Variants in TASOR2 observed in about 807,000 individuals in gnomAD.
TASOR2 encodes the protein transcription activation suppressor family member 2.
TASOR2 carries 84 observed loss-of-function variants against 199.5 expected under a neutral mutation model. That is an observed-to-expected ratio of 0.42 (90% CI 0.35 to 0.50). TASOR2 has a LOEUF of 0.50. TASOR2 is among the 20% of genes least tolerant of loss of function. The pLI, the probability that TASOR2 is intolerant of heterozygous loss-of-function variation, is 0.02. For synonymous variants in TASOR2, 1,103 were observed against 1,046.6 expected (o/e 1.05, Z -1.04); for missense variants, 2,796 against 2,835.9 (o/e 0.99, Z 0.32).
chr10:5,727,133 C>T lies in TASOR2; in HGVS notation c.487+10C>T, dbSNP rs772876699. On this transcript the variant is annotated intron_variant, in intron 10 of 20. Coordinates refer to ENST00000328090, the Ensembl canonical transcript of TASOR2. ...TCACCCCTGTCAACAGGTGAGGATA[C>T]AATGGTTTCCAGCTCACTCTGTCTG... is the stretch of plus-strand genomic sequence containing the variant. 1 of 1,613,890 alleles carries T rather than the reference C, an allele frequency of 6.2e-7. No individual in the cohort carries two copies. The highest frequency in any genetic ancestry group is 1.7e-5 in the Admixed American group (1 of 60,012).
chr10:5,692,558 G>A (rs1836568941), intron 1 of TASOR2, among the ~76,000 whole-genome samples: 1 of 152,114 alleles, frequency 6.6e-6, no homozygotes, highest in South Asian at 2.1e-4. Context: ...GGGGTCCTGC[G>A]GGTTCTGTAG....
intron 2 of TASOR2, 72 bp from the exon 3 acceptor site, chr10:5,714,063 A>C (rs573711358): frequency 1.6e-5 from 14 of 850,472 alleles, no homozygotes; most frequent in Non-Finnish European, 2.2e-5. Context: ...AAAATTAAAA[A>C]AAAAAACCTT....
chr10:5,720,485 C>G lies in TASOR2; in HGVS notation c.-99-59C>G. ...CAGGGCTCGGTGGGGTTGAGAAAAA[C>G]TTGGTACATATGCAGTTCCATAGTG... On this transcript the variant is annotated intron_variant, in intron 3 of 20. Coordinates refer to ENST00000328090, the Ensembl canonical transcript of TASOR2. The surrounding 1 kb of genome is among the most constrained non-coding windows in gnomAD (Gnocchi z 5.3). The G allele has an allele frequency of 8.3e-6, 12 of 1,444,136 alleles. No individual in the cohort carries two copies. In the South Asian group the frequency reaches 1.8e-4, roughly 22 times the overall value. 89.5% of individuals were successfully genotyped at this position (1,444,136 alleles called of 1,614,324 possible). A position where few individuals can be genotyped will look rare whatever the true frequency, so the allele number is the denominator to read the frequency against.
Position 5,751,005 on chromosome 10 carries a change from G to C in TASOR2, c.6606+978G>C, listed in dbSNP as rs919534075. On this transcript the variant is annotated intron_variant, in intron 15 of 20. Coordinates refer to ENST00000328090, the Ensembl canonical transcript of TASOR2. This position sits in a 1 kb window ranked among gnomAD's most constrained non-coding sequence, Gnocchi z 5.3. ...TATTTGGTGGAATTTCCTTCCGTTT[G>C]TGTTCATGTGTTGTTTCTCCATGAC... 6.6e-6 allele frequency among the ~76,000 whole-genome samples: 1 copy of C among 152,176 alleles called. No homozygotes were observed. Among genetic ancestry groups the C allele is most frequent in the Non-Finnish European group, 1.5e-5 (1 of 68,032 alleles).
Position 5,740,637 on chromosome 10 carries a change from C to A in TASOR2, c.2327+140C>A, listed in dbSNP as rs1836276573. The A allele has an allele frequency of 3.4e-6, 3 of 895,146 alleles. No homozygotes were observed. The highest frequency in any genetic ancestry group is 5.0e-6 in the Non-Finnish European group (3 of 604,964). The allele number at this position is 895,146 out of a possible 1,614,324, so 55.5% of individuals were successfully genotyped here. On this transcript the variant is annotated intron_variant, in intron 13 of 20. Transcript: ENST00000328090. The surrounding 1 kb of genome is among the most constrained non-coding windows in gnomAD (Gnocchi z 5.3). ...AAAACCAGTAATTTGATAATAACAT[C>A]AAGCAAACATGTTTCCTGGCAATTA...
At chr10:5,721,613 A>C (rs1833368082) in intron 6 of TASOR2, among the ~76,000 whole-genome samples, 1 of 152,202 alleles carries the variant, frequency 6.6e-6, no homozygotes, top group African/African-American at 2.4e-5. Flanking sequence ...TATGTGAATA[A>C]GCAAATAGAG....
intron 14 of TASOR2, among the ~76,000 whole-genome samples, chr10:5,745,758 G>A (rs951193352): frequency 1.3e-5 from 2 of 151,618 alleles, no homozygotes; most frequent in Non-Finnish European, 2.9e-5. Context: ...CAGCCTGTTC[G>A]ATAAAGCAAG....
At position 5,730,772 on chromosome 10, in the gene TASOR2, C is replaced by G. The variant is rs916133446; in HGVS notation, c.773C>G (p.Thr258Ser). Residue 258 changes from threonine to serine, a missense_variant, in exon 11 of 21, where the codon ACT becomes AGT. By Grantham distance (58) the Thr-to-Ser change is moderately conservative. Around this residue, in one of 3 missense-constraint regions of TASOR2, gnomAD observed 847 missense variants for 887.4 expected, o/e 0.95. Coordinates refer to ENST00000328090, the Ensembl canonical transcript of TASOR2. The surrounding 1 kb of genome is among the most constrained non-coding windows in gnomAD (Gnocchi z 4.1). ...GAAAAGTGCCCTTCAGAGTCTTTAACTCAGTTGAACTCTTATTTTTCAGAC... is the reference window on the plus strand; with the variant it reads ...GAAAAGTGCCCTTCAGAGTCTTTAAGTCAGTTGAACTCTTATTTTTCAGAC... The G allele has an allele frequency of 2.4e-5, 38 of 1,614,160 alleles. No individual in the cohort carries two copies. Among genetic ancestry groups the G allele is most frequent in the Non-Finnish European group, 3.2e-5 (38 of 1,180,028 alleles).
Position 5,685,280 on chromosome 10 carries a change from A to C in TASOR2, c.-288+105A>C, listed in dbSNP as rs930152216. On this transcript the variant is annotated intron_variant, in intron 1 of 20. Transcript: ENST00000328090. The surrounding 1 kb of genome is among the most constrained non-coding windows in gnomAD (Gnocchi z 5.4). ...TGCCGGGGCTTGGCTGCGAGGGTCG[A>C]CGCGTTCTCCTTGCCTTTTGCCGCG... is the stretch of plus-strand genomic sequence containing the variant. 2.5e-6 allele frequency: 1 copy of C among 396,430 alleles called. No individual in the cohort carries two copies. Among genetic ancestry groups the C allele is most frequent in the South Asian group, 1.3e-4 (1 of 7,466 alleles). The allele number at this position is 396,430 out of a possible 1,614,324, so 24.6% of individuals were successfully genotyped here.
intron 1 of TASOR2, among the ~76,000 whole-genome samples, chr10:5,694,971 T>C (rs1175213134): frequency 1.3e-5 from 2 of 152,244 alleles, no homozygotes; most frequent in African/African-American, 2.4e-5. Context: ...ACTTTGCCAA[T>C]GCATATATTT....
Position 5,735,561 on chromosome 10 carries a change from T to A in TASOR2, c.1447+15T>A, listed in dbSNP as rs764250153. ...GCTACAACCTGGTAAGAAATACTCTTCCTATAAATTTAAACACCCCAATAC... is the reference window on the plus strand; with the variant it reads ...GCTACAACCTGGTAAGAAATACTCTACCTATAAATTTAAACACCCCAATAC... On this transcript the variant is annotated intron_variant, in intron 12 of 20. Transcript: ENST00000328090. 1 of 1,609,948 alleles carries A rather than the reference T, an allele frequency of 6.2e-7. No individual in the cohort carries two copies. Among genetic ancestry groups the A allele is most frequent in the Non-Finnish European group, 8.5e-7 (1 of 1,178,908 alleles).
At position 5,687,438 on chromosome 10, in the gene TASOR2, G is replaced by T. The variant is rs764792884; in HGVS notation, c.-288+2263G>T. 4.6e-5 allele frequency among the ~76,000 whole-genome samples: 7 copies of T among 152,056 alleles called. No individual in the cohort carries two copies. Among genetic ancestry groups the T allele is most frequent in the Non-Finnish European group, 8.8e-5 (6 of 68,016 alleles). On this transcript the variant is annotated intron_variant, in intron 1 of 20. Coordinates refer to ENST00000328090, the Ensembl canonical transcript of TASOR2. This position sits in a 1 kb window ranked among gnomAD's most constrained non-coding sequence, Gnocchi z 4.8. ...CTATGAGTTACTTTTGTTAAACATT[G>T]TTTCTGAGATTCACTCATGTTAAAG...
rs1839353104 is a variant in TASOR2, at chr10:5,758,800, T to G, written c.6887-87T>G. 1.3e-5 allele frequency: 13 copies of G among 969,046 alleles called. No individual in the cohort carries two copies. The South Asian group carries it at 1.8e-4, about 13-fold the overall frequency. 60.0% of individuals were successfully genotyped at this position (969,046 alleles called of 1,614,324 possible). On this transcript the variant is annotated intron_variant, in intron 17 of 20. Coordinates refer to ENST00000328090, the Ensembl canonical transcript of TASOR2. Reference sequence around the variant, plus strand: ...TGGGTCTTAGTCTGTTTTTTTCTTGTTTTACAAATAATTATCACTGGGCTT... The same window carrying G: ...TGGGTCTTAGTCTGTTTTTTTCTTGGTTTACAAATAATTATCACTGGGCTT...
intron 1 of TASOR2, among the ~76,000 whole-genome samples, chr10:5,697,296 A>C (rs79594128): frequency 9.0e-6 from 1 of 111,154 alleles, no homozygotes; most frequent in Non-Finnish European, 2.0e-5. Context: ...AGGAAACCTT[A>C]ACTTTAAATT....
At chr10:5,763,345 GTC>G (rs1181863926) in exon 21 of TASOR2, 1 of 276,154 alleles carries the variant, frequency 3.6e-6, no homozygotes, top group Non-Finnish European at 6.7e-6. Flanking sequence ...GCAAAAATAA[GTC>G]TATTTTAACA....
exon 15 of TASOR2, chr10:5,746,483 T>C (rs1418616674): frequency 1.2e-6 from 2 of 1,614,102 alleles, no homozygotes; most frequent in Admixed American, 1.7e-5. Context: ...CAGGACCTTA[T>C]CCAACATGGC....
At chr10:5,684,962 C>T (rs1040550569) in exon 1 of TASOR2, 6 of 397,706 alleles carry the variant, frequency 1.5e-5, no homozygotes, top group Non-Finnish European at 2.7e-5. Context: ...CGCGGCGTCC[C>T]TGTCAGCGCC....
In TASOR2 at chr10:5,698,640, G is replaced by A. The variant is rs1006254573; in HGVS notation, c.-288+13465G>A. On this transcript the variant is annotated intron_variant, in intron 1 of 20. Transcript: ENST00000328090. The surrounding 1 kb of genome is among the most constrained non-coding windows in gnomAD (Gnocchi z 4.4). Reference sequence around the variant, plus strand: ...GTTTTTATGCTCTACCGGTAGAGATGAGTAGTTGTGACAGAGACCGTGTGG... The same window carrying A: ...GTTTTTATGCTCTACCGGTAGAGATAAGTAGTTGTGACAGAGACCGTGTGG... Among the ~76,000 whole-genome samples, 1 of 152,156 alleles carries A rather than the reference G, an allele frequency of 6.6e-6. No homozygotes were observed. The highest frequency in any genetic ancestry group is 1.5e-5 in the Non-Finnish European group (1 of 68,012).
Position 5,752,061 on chromosome 10 carries a change from C to CTGAAA in TASOR2, c.6606+2034_6606+2035insTGAAA, listed in dbSNP as rs1838121981. Among the ~76,000 whole-genome samples the CTGAAA allele has an allele frequency of 6.6e-6, 1 of 152,062 alleles. No individual in the cohort carries two copies. Among genetic ancestry groups the CTGAAA allele is most frequent in the African/African-American group, 2.4e-5 (1 of 41,380 alleles). ...TCACTGAGGCACTAATCCTGACCTCCCGAAACTCCCTGACCTGAGCGCGGG... is the reference window on the plus strand; with the variant it reads ...TCACTGAGGCACTAATCCTGACCTCCTGAAACGAAACTCCCTGACCTGAGCGCGGG... On this transcript the variant is annotated intron_variant, in intron 15 of 20. Transcript: ENST00000328090. The surrounding 1 kb of genome is among the most constrained non-coding windows in gnomAD (Gnocchi z 4.4).
Sources: allele counts gnomAD v4.1 joint callset (sites outside exome capture counted in the v4.1 genomes callset), GRCh38; gene constraint gnomAD v4.1.1; regional missense constraint gnomAD v4.1.1; non-coding constraint Gnocchi (gnomAD v3.1); transcripts MANE v1.5; gene names NCBI Gene and HGNC (gene_info 2026-07-23, HGNC 2026-07-21).